Variants in PCDHGB4 observed in about 807,000 individuals in gnomAD.
PCDHGB4 encodes protocadherin gamma-B4.
PCDHGB4 carries 38 observed loss-of-function variants against 60.5 expected under a neutral mutation model. The ratio of observed to expected loss-of-function variants is 0.63; its 90% CI spans 0.48 to 0.82. PCDHGB4 has a LOEUF of 0.82. Ranked by LOEUF, PCDHGB4 falls within the 40% of genes least tolerant of loss-of-function variation. The pLI, the probability that PCDHGB4 is intolerant of heterozygous loss-of-function variation, is 0.00. For missense variants in PCDHGB4, 1,109 were observed against 1,209.6 expected, an observed-to-expected ratio of 0.92 and a Z score of 1.23; for synonymous variants, 456 against 509.7, an observed-to-expected ratio of 0.89 and a Z score of 1.42.
intron 1 of PCDHGB4, chr5:141,419,310 A>G: frequency 6.2e-7 from 1 of 1,613,948 alleles, no homozygotes; most frequent in Non-Finnish European, 8.5e-7. Flanking sequence ...TTCGGGCTCA[A>G]CGGCCGTGTC....
intron 2 of PCDHGB4, among the ~76,000 whole-genome samples, chr5:141,497,781 C>T (rs2099779421): frequency 1.3e-5 from 2 of 152,192 alleles, no homozygotes; most frequent in African/African-American, 4.8e-5. Flanking sequence ...CTCAACTGAT[C>T]CACCTGCTTC....
chr5:141,460,766 A>G (rs1370331016), intron 1 of PCDHGB4, among the ~76,000 whole-genome samples: 1 of 152,056 alleles, frequency 6.6e-6, no homozygotes, highest in Non-Finnish European at 1.5e-5. Flanking sequence ...TACATATTGC[A>G]TATGTATGTA....
intron 1 of PCDHGB4, chr5:141,413,709 C>T (rs998398149): frequency 2.4e-5 from 39 of 1,613,536 alleles, no homozygotes; most frequent in Non-Finnish European, 3.3e-5. Flanking sequence ...AGCTCAGCCC[C>T]AATAAGCACT....
Position 141,486,314 on chromosome 5 carries a change from T to C in PCDHGB4, c.2398-8493T>C, listed in dbSNP as rs775833520. The C allele has an allele frequency of 4.5e-5, 72 of 1,613,758 alleles. No homozygotes were observed. The highest frequency in any genetic ancestry group is 5.9e-5 in the Non-Finnish European group (70 of 1,179,984). On this transcript the variant is annotated intron_variant, in intron 1 of 3. Transcript: ENST00000519479. This position sits in a 1 kb window ranked among gnomAD's most constrained non-coding sequence, Gnocchi z 5.0. ...CAGTGTGCAGGATCCAGACTCAGGG[T>C]CAAACGGAGATGTGAGCCTCCGCAT...
At chr5:141,483,179 G>C (rs2099577971) in intron 1 of PCDHGB4, among the ~76,000 whole-genome samples, 2 of 152,294 alleles carry the variant, frequency 1.3e-5, no homozygotes, top group African/African-American at 4.8e-5. Flanking sequence ...TTTGGGCCAA[G>C]CCAAGGAGTT....
chr5:141,432,874 G>A lies in PCDHGB4; in HGVS notation c.2397+42593G>A, dbSNP rs2097545539. 2 of 1,614,176 alleles carry A rather than the reference G, an allele frequency of 1.2e-6. No homozygotes were observed. The highest frequency in any genetic ancestry group is 1.7e-6 in the Non-Finnish European group (2 of 1,180,014). Reference sequence around the variant, plus strand: ...TGGCCGCGGTCTCCTGCGTCTTCCTGGCCTTCGTCATCTTGCTGCTGGCGC... The same window carrying A: ...TGGCCGCGGTCTCCTGCGTCTTCCTAGCCTTCGTCATCTTGCTGCTGGCGC... On this transcript the variant is annotated intron_variant, in intron 1 of 3. Transcript: ENST00000519479. This position sits in a 1 kb window ranked among gnomAD's most constrained non-coding sequence, Gnocchi z 6.0.
intron 1 of PCDHGB4, chr5:141,392,933 C>A: frequency 6.2e-7 from 1 of 1,613,930 alleles, no homozygotes; most frequent in Non-Finnish European, 8.5e-7. Flanking sequence ...AAGAGACGGA[C>A]AAAGGCTCCT....
intron 1 of PCDHGB4, among the ~76,000 whole-genome samples, chr5:141,483,646 GTT>G (rs2099584256): frequency 6.8e-6 from 1 of 146,706 alleles, no homozygotes; most frequent in Admixed American, 6.7e-5. Flanking sequence ...AGGGGTGTGT[GTT>G]TGTGTGTGTG....
intron 1 of PCDHGB4, among the ~76,000 whole-genome samples, chr5:141,458,351 T>A (rs903399511): frequency 2.0e-5 from 3 of 152,010 alleles, no homozygotes; most frequent in African/African-American, 7.3e-5. Flanking sequence ...GAGAGTTTAA[T>A]AAGCAAGAAG....
intron 1 of PCDHGB4, chr5:141,418,093 C>T: frequency 6.2e-7 from 1 of 1,614,032 alleles, no homozygotes; most frequent in East Asian, 2.2e-5. Flanking sequence ...TCAGCGTAGA[C>T]GCGCAGAGCG....
chr5:141,489,428 G>A lies in PCDHGB4; in HGVS notation c.2398-5379G>A, dbSNP rs561792279. The A allele has an allele frequency of 2.5e-5, 40 of 1,614,112 alleles. No homozygotes were observed. In the Middle Eastern group the frequency reaches 4.9e-4, roughly 20 times the overall value. ...AAGATGACAGATCTGTTGAGCCGGC[G>A]GCTGCAATTGGGCTCTGAGGAGAAT... On this transcript the variant is annotated intron_variant, in intron 1 of 3. Transcript: ENST00000519479. This position sits in a 1 kb window ranked among gnomAD's most constrained non-coding sequence, Gnocchi z 4.5.
chr5:141,450,491 G>C (rs1264524088), intron 1 of PCDHGB4, among the ~76,000 whole-genome samples: 1 of 151,896 alleles, frequency 6.6e-6, no homozygotes, highest in Non-Finnish European at 1.5e-5. Context: ...TTGTTTGTCT[G>C]TTTGTTTGTT....
At chr5:141,478,812 A>G (rs952753762) in intron 1 of PCDHGB4, 16 of 1,453,436 alleles carry the variant, frequency 1.1e-5, no homozygotes, top group Non-Finnish European at 1.4e-5. Flanking sequence ...TTGCTATCAC[A>G]ACTAACCAAT....
At chr5:141,438,591 C>CATATATATATATATATATAT (rs946798767) in intron 1 of PCDHGB4, among the ~76,000 whole-genome samples, 1 of 75,562 alleles carries the variant, frequency 1.3e-5, no homozygotes, top group Non-Finnish European at 2.7e-5. Context: ...TACATACATA[C>CATATATATATATATATATAT]ATATATATAT....
At chr5:141,433,111 C>T (rs2097569323) in intron 1 of PCDHGB4, 1 of 1,613,966 alleles carries the variant, frequency 6.2e-7, no homozygotes, top group African/African-American at 1.3e-5. Context: ...GCCAGGAGAG[C>T]TTTGAAAAAA....
At chr5:141,394,060 C>A (rs1437765710) in intron 1 of PCDHGB4, 9 of 1,613,662 alleles carry the variant, frequency 5.6e-6, no homozygotes, top group African/African-American at 4.0e-5. Context: ...GAAAATGTCT[C>A]TATCTACAAT....
intron 1 of PCDHGB4, among the ~76,000 whole-genome samples, chr5:141,459,249 A>G (rs901058693): frequency 6.6e-6 from 1 of 152,218 alleles, no homozygotes; most frequent in Non-Finnish European, 1.5e-5. Flanking sequence ...TCCTGTCACT[A>G]TAAATTAGTG....
intron 1 of PCDHGB4, chr5:141,391,245 G>A (rs1324945676): frequency 6.6e-6 from 1 of 151,892 alleles, no homozygotes; most frequent in African/African-American, 2.4e-5. Flanking sequence ...GTATATCTAA[G>A]CAACTGCTTC....
At position 141,409,100 on chromosome 5, in the gene PCDHGB4, A is replaced by G. The variant is rs1341878280; in HGVS notation, c.2397+18819A>G. ...GTTCTCATTGGATGAGAAAACAGGT[A>G]TGATTAAGAATAACCAGTCATTTGA... is the stretch of plus-strand genomic sequence containing the variant. On this transcript the variant is annotated intron_variant, in intron 1 of 3. Transcript: ENST00000519479. The G allele has an allele frequency of 6.8e-6, 11 of 1,613,934 alleles. No homozygotes were observed. In the Admixed American group the frequency reaches 1.0e-4, roughly 15 times the overall value.
Sources: gnomAD v4.1 joint callset for allele counts (sites outside exome capture counted in the v4.1 genomes callset) on GRCh38, gnomAD v4.1.1 for gene constraint, Gnocchi (gnomAD v3.1) non-coding constraint, MANE v1.5 for transcripts, NCBI Gene and HGNC (gene_info 2026-07-23, HGNC 2026-07-21) for gene names.